Variants in ADGRV1 observed in about 807,000 individuals in gnomAD.
The protein encoded by ADGRV1 is G-protein coupled receptor 98.
Under a neutral mutation model 596.2 loss-of-function variants are expected in ADGRV1, and 359 were observed. The observed-to-expected ratio is 0.60, with a 90% confidence interval of 0.55 to 0.66. ADGRV1 has a LOEUF of 0.66. Among genes scored for constraint, ADGRV1 ranks in the 30% least tolerant of loss-of-function variants. The pLI is 0.00. For missense variants in ADGRV1, 7,274 were observed against 7,575.6 expected (o/e 0.96, Z 1.48); for synonymous variants, 2,681 against 2,679.2 (o/e 1.00, Z -0.02).
chr5:90,948,891 A>C (rs1271198417), intron 83 of ADGRV1, among the ~76,000 whole-genome samples: 2 of 152,116 alleles, frequency 1.3e-5, no homozygotes, highest in African/African-American at 4.8e-5. Context: ...TGAAGTCAGA[A>C]AATTGTAAGT....
chr5:90,970,867 C>G (rs1778907296), intron 84 of ADGRV1, among the ~76,000 whole-genome samples: 1 of 152,114 alleles, frequency 6.6e-6, no homozygotes, highest in Admixed American at 6.5e-5. Flanking sequence ...ATGACTTTGA[C>G]AAGTTGAGAG....
At chr5:90,783,037 T>G in intron 65 of ADGRV1, 87 bp from the exon 66 acceptor site, 1 of 1,017,194 alleles carries the variant, frequency 9.8e-7, no homozygotes, top group Non-Finnish European at 1.5e-6. Context: ...TGTGCCATTA[T>G]GTTTAATTGC....
chr5:90,646,166 ATATATACATTTATATGCACGTGCG>A (rs1322797723), intron 16 of ADGRV1, 75 bp downstream of exon 16: 5 of 1,036,148 alleles, frequency 4.8e-6, no homozygotes, highest in Middle Eastern at 2.6e-4. Flanking sequence ...ATGCACGTGC[ATATATACATTTATATGCACGTGCG>A]TATATACATT....
chr5:90,565,306 C>A (rs1341163145), intron 1 of ADGRV1, among the ~76,000 whole-genome samples: 1 of 152,166 alleles, frequency 6.6e-6, no homozygotes, highest in Admixed American at 6.5e-5. Context: ...AAAAGAAGCT[C>A]TCTACCCATT....
intron 34 of ADGRV1, among the ~76,000 whole-genome samples, chr5:90,702,081 T>C (rs1747980629): frequency 6.7e-6 from 1 of 149,304 alleles, no homozygotes; most frequent in Non-Finnish European, 1.5e-5. Flanking sequence ...TCAAAGATTT[T>C]TCTATGCTTT....
chr5:90,652,450 G>T lies in ADGRV1; in HGVS notation c.3521G>T (p.Gly1174Val), dbSNP rs776576004. The T allele has an allele frequency of 6.2e-7, 1 of 1,613,250 alleles. No individual in the cohort carries two copies. Among genetic ancestry groups the T allele is most frequent in the South Asian group, 1.1e-5 (1 of 91,006 alleles). Reference sequence around the variant, plus strand: ...GGGCAGGAGTTCTATGAAACTTCAGGAACTGTTAACTTCATGGATGGAGAA... The same window carrying T: ...GGGCAGGAGTTCTATGAAACTTCAGTAACTGTTAACTTCATGGATGGAGAA... ...QPGQEFYETS[G>V]TVNFMDGEEA... The change falls in exon 19 of 90, where the codon GGA becomes GTA. Residue 1174 changes from glycine (G) to valine (V), a missense_variant. Physicochemically the swap from Gly to Val is moderately radical, Grantham distance 109 (BLOSUM62 -3). Coordinates refer to ENST00000405460, the MANE Select transcript of ADGRV1 (RefSeq NM_032119.4).
intron 7 of ADGRV1, 139 bp downstream of exon 7, chr5:90,627,915 A>AAAACACAC: frequency 6.3e-6 from 2 of 317,610 alleles, no homozygotes; most frequent in Admixed American, 7.6e-5. Context: ...AAACTCAGAA[A>AAAACACAC]AGACACACAC....
rs559297545 is a variant in ADGRV1 at position 90,891,074 on chromosome 5, A to T, written c.17856+27217A>T. 3.3e-5 allele frequency among the ~76,000 whole-genome samples: 5 copies of T among 151,522 alleles called. No individual in the cohort carries two copies. In the East Asian group the frequency reaches 9.6e-4, roughly 29 times the overall value. Reference sequence around the variant, plus strand: ...GGAATGGGAGAGCGGGTTTATATGCATCTGTAACATTTTTTTTCTTTAAAC... The same window carrying T: ...GGAATGGGAGAGCGGGTTTATATGCTTCTGTAACATTTTTTTTCTTTAAAC... On this transcript the variant is annotated intron_variant, in intron 83 of 89. Transcript: ENST00000405460.
At chr5:91,117,739 T>C (rs1322416968) in intron 87 of ADGRV1, among the ~76,000 whole-genome samples, 1 of 152,178 alleles carries the variant, frequency 6.6e-6, no homozygotes, top group African/African-American at 2.4e-5. Context: ...ACACAAATAA[T>C]CACTTCATAG....
chr5:91,066,932 C>T (rs573002844), intron 85 of ADGRV1, among the ~76,000 whole-genome samples: 1 of 152,274 alleles, frequency 6.6e-6, no homozygotes, highest in African/African-American at 2.4e-5. Context: ...TCCTCCTTAA[C>T]ATTCTGGCCC....
chr5:90,710,425 T>C (rs1229484691), intron 39 of ADGRV1, among the ~76,000 whole-genome samples: 3 of 152,104 alleles, frequency 2.0e-5, no homozygotes, highest in Non-Finnish European at 4.4e-5. Context: ...AGAATAAAAA[T>C]AAAAAGGGAA....
chr5:91,029,374 CTATCAGTTAT>C (rs1177792124), intron 85 of ADGRV1, among the ~76,000 whole-genome samples: 1 of 152,152 alleles, frequency 6.6e-6, no homozygotes, highest in Non-Finnish European at 1.5e-5. Context: ...ATTTATTTCT[CTATCAGTTAT>C]TAATAGAAAT....
At chr5:90,893,371 A>G (rs916314232) in intron 83 of ADGRV1, among the ~76,000 whole-genome samples, 6 of 152,152 alleles carry the variant, frequency 3.9e-5, no homozygotes, top group African/African-American at 1.4e-4. Flanking sequence ...TACTCTTAGA[A>G]GTCATGTGCC....
At chr5:90,923,401 T>G (rs942526985) in intron 83 of ADGRV1, among the ~76,000 whole-genome samples, 2 of 152,072 alleles carry the variant, frequency 1.3e-5, no homozygotes, top group Non-Finnish European at 2.9e-5. Context: ...AAGAAATTGT[T>G]TTTTAAAAAG....
intron 85 of ADGRV1, among the ~76,000 whole-genome samples, chr5:90,990,467 G>C (rs897909732): frequency 1.3e-5 from 2 of 152,118 alleles, no homozygotes; most frequent in African/African-American, 4.8e-5. Flanking sequence ...AAAAAGGAAG[G>C]CCTTAACAAT....
At chr5:90,874,081 G>A (rs971941536) in intron 83 of ADGRV1, among the ~76,000 whole-genome samples, 18 of 152,050 alleles carry the variant, frequency 1.2e-4, no homozygotes, top group Non-Finnish European at 2.9e-5. Flanking sequence ...TCTTCCTATT[G>A]CACATAACAG....
intron 50 of ADGRV1, among the ~76,000 whole-genome samples, chr5:90,743,127 T>C (rs184358460): frequency 2.8e-4 from 42 of 152,290 alleles, no homozygotes; most frequent in Admixed American, 1.5e-3. Flanking sequence ...TTGAGACTAT[T>C]GAATCAGCTC....
At chr5:90,927,536 G>A (rs139678604) in intron 83 of ADGRV1, among the ~76,000 whole-genome samples, 1,795 of 152,206 alleles carry the variant, frequency 0.012, 20 homozygotes, top group Middle Eastern at 0.02. Flanking sequence ...GTCTCTGCAC[G>A]TGAGATGCGT....
intron 83 of ADGRV1, among the ~76,000 whole-genome samples, 196 bp from the exon 84 acceptor site, chr5:90,965,219 T>C (rs1436296154): frequency 6.6e-6 from 1 of 152,226 alleles, no homozygotes; most frequent in East Asian, 1.9e-4. Flanking sequence ...TATCATGCGC[T>C]GTTTCTTAGA....
Sources: allele counts gnomAD v4.1 joint callset (sites outside exome capture counted in the v4.1 genomes callset), GRCh38; gene constraint gnomAD v4.1.1; transcripts MANE v1.5; gene names NCBI Gene and HGNC (gene_info 2026-07-23, HGNC 2026-07-21).